GALNT14: variants seen among roughly 807,000 people sequenced by gnomAD.
GALNT14 encodes the protein polypeptide N-acetylgalactosaminyltransferase 14.
Under a neutral mutation model 77.5 loss-of-function variants are expected in GALNT14, and 60 were observed. The ratio of observed to expected loss-of-function variants is 0.77; its 90% CI spans 0.63 to 0.96. GALNT14 has a LOEUF of 0.96. GALNT14 is among the 40% of genes least tolerant of loss of function. The pLI, the probability that GALNT14 is intolerant of heterozygous loss-of-function variation, is 0.00. For missense variants in GALNT14, 710 were observed against 731.0 expected, an observed-to-expected ratio of 0.97 and a Z score of 0.33; for synonymous variants, 280 against 281.7, an observed-to-expected ratio of 0.99 and a Z score of 0.06.
intron 1 of GALNT14, among the ~76,000 whole-genome samples, chr2:31,066,475 C>G (rs1573285552): frequency 6.6e-6 from 1 of 152,208 alleles, no homozygotes; most frequent in East Asian, 1.9e-4. Flanking sequence ...GAAAAAGAAA[C>G]AAGGGGCTTA....
chr2:30,933,693 C>T (rs760180701), intron 9 of GALNT14, among the ~76,000 whole-genome samples: 16 of 152,198 alleles, frequency 1.1e-4, no homozygotes, highest in Non-Finnish European at 2.2e-4. Context: ...GCTACTGAAT[C>T]ATGGCAATAA....
At chr2:30,971,649 G>A (rs781422242) in intron 2 of GALNT14, among the ~76,000 whole-genome samples, 8 of 152,148 alleles carry the variant, frequency 5.3e-5, no homozygotes, top group Non-Finnish European at 7.3e-5. Flanking sequence ...CTTACTGTCC[G>A]AAAATGCTTC....
chr2:30,949,735 CA>C (rs1666913627), intron 6 of GALNT14, among the ~76,000 whole-genome samples: 2 of 152,244 alleles, frequency 1.3e-5, no homozygotes, highest in African/African-American at 4.8e-5. Flanking sequence ...TGTGATCAAC[CA>C]GCACTCCTGA....
At chr2:31,106,241 C>A (rs1466051753) in intron 1 of GALNT14, among the ~76,000 whole-genome samples, 1 of 152,152 alleles carries the variant, frequency 6.6e-6, no homozygotes, top group Admixed American at 6.5e-5. Flanking sequence ...ATCATGAAAG[C>A]CTTCCTAATA....
chr2:31,071,742 C>G (rs1675384754), intron 1 of GALNT14, among the ~76,000 whole-genome samples: 1 of 152,248 alleles, frequency 6.6e-6, no homozygotes, highest in Admixed American at 6.5e-5. Context: ...TCTGACAGCT[C>G]TCTGTTCCTT....
At chr2:31,046,276 G>A (rs370218690) in intron 1 of GALNT14, among the ~76,000 whole-genome samples, 12 of 150,004 alleles carry the variant, frequency 8.0e-5, no homozygotes, top group African/African-American at 3.0e-4. Context: ...GCCCAGGCTG[G>A]AGTGCAGCGG....
intron 1 of GALNT14, among the ~76,000 whole-genome samples, chr2:31,033,715 C>G (rs1274647985): frequency 6.6e-6 from 1 of 152,118 alleles, no homozygotes; most frequent in Non-Finnish European, 1.5e-5. Context: ...CTTTGTCCAT[C>G]CTATCCCCAG....
intron 1 of GALNT14, among the ~76,000 whole-genome samples, chr2:31,056,115 A>T (rs940815751): frequency 6.6e-6 from 1 of 152,228 alleles, no homozygotes; most frequent in Non-Finnish European, 1.5e-5. Flanking sequence ...TGAAATGCAG[A>T]TCCCCAGGCC....
chr2:31,101,393 T>C (rs1446646204), intron 1 of GALNT14, among the ~76,000 whole-genome samples: 1 of 152,116 alleles, frequency 6.6e-6, no homozygotes, highest in Non-Finnish European at 1.5e-5. Flanking sequence ...GTAAAAGTTA[T>C]GCTTGTTTCT....
At chr2:31,041,967 G>A (rs1049927804) in intron 1 of GALNT14, among the ~76,000 whole-genome samples, 2 of 152,186 alleles carry the variant, frequency 1.3e-5, no homozygotes, top group African/African-American at 4.8e-5. Context: ...AGCACAGGAA[G>A]AAGAGGATTT....
intron 6 of GALNT14, among the ~76,000 whole-genome samples, chr2:30,949,016 T>C (rs962277519): frequency 2.0e-5 from 3 of 152,126 alleles, no homozygotes; most frequent in Non-Finnish European, 4.4e-5. Context: ...ATTCCTGTCA[T>C]AGCTCACTTG....
chr2:30,951,989 G>C (rs540826934), intron 6 of GALNT14, among the ~76,000 whole-genome samples: 10 of 152,180 alleles, frequency 6.6e-5, no homozygotes, highest in Admixed American at 6.5e-4. Context: ...GCACTGCACC[G>C]TGCCCTGGAC....
At chr2:31,104,981 A>G (rs1312795019) in intron 1 of GALNT14, among the ~76,000 whole-genome samples, 1 of 152,190 alleles carries the variant, frequency 6.6e-6, no homozygotes, top group Non-Finnish European at 1.5e-5. Flanking sequence ...ACCTCCACCC[A>G]CAGGACAGCA....
At chr2:30,917,454 C>T (rs1452037028) in intron 13 of GALNT14, among the ~76,000 whole-genome samples, 3 of 152,192 alleles carry the variant, frequency 2.0e-5, no homozygotes, top group Non-Finnish European at 2.9e-5. Flanking sequence ...AGGCCTGTAT[C>T]TGAACCATGC....
intron 4 of GALNT14, among the ~76,000 whole-genome samples, chr2:30,956,295 T>C (rs1667365046): frequency 6.6e-6 from 1 of 152,206 alleles, no homozygotes; most frequent in Non-Finnish European, 1.5e-5. Flanking sequence ...CCTGGGGACA[T>C]TTCTCTTTTC....
chr2:30,903,797 G>T, the GALNT14 span, among the ~76,000 whole-genome samples: 1 of 152,220 alleles, frequency 6.6e-6, no homozygotes, highest in African/African-American at 2.4e-5. Flanking sequence ...TGCAGCAGTG[G>T]ATAACAAAGC....
chr2:30,888,503 T>G, the GALNT14 span, among the ~76,000 whole-genome samples: 1 of 152,352 alleles, frequency 6.6e-6, no homozygotes, highest in Middle Eastern at 3.4e-3. Flanking sequence ...GGCCAGCATG[T>G]GGCAAATGCT....
chr2:31,097,831 A>C (rs951886453), intron 1 of GALNT14, among the ~76,000 whole-genome samples: 1 of 152,124 alleles, frequency 6.6e-6, no homozygotes, highest in African/African-American at 2.4e-5. Context: ...AAATGAACAG[A>C]TGGGAAAGAA....
At chr2:31,021,777 G>C (rs558008785) in intron 1 of GALNT14, among the ~76,000 whole-genome samples, 1 of 152,332 alleles carries the variant, frequency 6.6e-6, no homozygotes, top group South Asian at 2.1e-4. Context: ...TTATGGAAAA[G>C]TTTGTTGAGT....
Sources: gnomAD v4.1 joint callset for allele counts (sites outside exome capture counted in the v4.1 genomes callset) on GRCh38, gnomAD v4.1.1 for gene constraint, MANE v1.5 for transcripts, NCBI Gene and HGNC (gene_info 2026-07-23, HGNC 2026-07-21) for gene names.